Variants in GADL1 observed in about 807,000 individuals in gnomAD.
The protein encoded by GADL1 is acidic amino acid decarboxylase GADL1.
In GADL1, 71 loss-of-function variants were observed where a neutral mutation model predicts 69.5. The observed-to-expected ratio is 1.02, with a 90% CI of 0.84 to 1.25. GADL1 has a LOEUF of 1.25. Ranked by LOEUF, GADL1 falls within the 50% of genes most tolerant of loss-of-function variation. GADL1 has a pLI of 0.00. For synonymous variants in GADL1, 254 were observed against 214.4 expected (o/e 1.18, Z -1.62); for missense variants, 737 against 631.8 (o/e 1.17, Z -1.79).
intron 14 of GADL1, among the ~76,000 whole-genome samples, chr3:30,761,747 T>TA (rs1277069196): frequency 2.0e-5 from 3 of 152,080 alleles, no homozygotes; most frequent in African/African-American, 4.8e-5. Context: ...GACCAGTAAG[T>TA]AAAAAATCTG....
At chr3:30,751,273 G>C (rs1356706487) in intron 14 of GADL1, among the ~76,000 whole-genome samples, 1 of 151,580 alleles carries the variant, frequency 6.6e-6, no homozygotes, top group Admixed American at 6.6e-5. Context: ...AAGGGCACGT[G>C]GGGGGTGTTG....
intron 9 of GADL1, among the ~76,000 whole-genome samples, chr3:30,837,720 AT>A (rs1697896155): frequency 6.6e-6 from 1 of 152,058 alleles, no homozygotes; most frequent in South Asian, 2.1e-4. Context: ...GATGTATTTG[AT>A]TTTCCCCCTT....
intron 8 of GADL1, among the ~76,000 whole-genome samples, chr3:30,842,198 G>A (rs1697977762): frequency 6.6e-6 from 1 of 151,974 alleles, no homozygotes; most frequent in Non-Finnish European, 1.5e-5. Flanking sequence ...TTTTAAAAGG[G>A]CAATGGGGAA....
chr3:30,755,837 C>G (rs1695956948), intron 14 of GADL1, among the ~76,000 whole-genome samples: 1 of 150,056 alleles, frequency 6.7e-6, no homozygotes, highest in Non-Finnish European at 1.5e-5. Context: ...TTTTTCCTAC[C>G]AAGAGGTCAT....
chr3:30,753,607 C>CTTG (rs71093929), intron 14 of GADL1, among the ~76,000 whole-genome samples: 75,937 of 151,798 alleles, frequency 0.5, 21,214 homozygotes, highest in African/African-American at 0.76. Flanking sequence ...TTAAAGATAA[C>CTTG]TTGTTTTCTT....
In GADL1 at chr3:30,887,127, T is replaced by C. The variant is rs372250205; in HGVS notation, c.37+7451A>G. 5.9e-5 allele frequency among the ~76,000 whole-genome samples: 9 copies of C among 152,310 alleles called. No homozygotes were observed. The East Asian group carries it at 1.7e-3, about 29-fold the overall frequency. Reference sequence around the variant, plus strand: ...AACTGGTAGAGCCTGGACTCCAACATGGTGTGTCACCTCACCTCATTATAG... The same window carrying C: ...AACTGGTAGAGCCTGGACTCCAACACGGTGTGTCACCTCACCTCATTATAG... On this transcript the variant is annotated intron_variant, in intron 1 of 14. Coordinates refer to ENST00000282538, the MANE Select transcript of GADL1 (RefSeq NM_207359.3).
Position 30,850,817 on chromosome 3 carries a change from A to G in GADL1, c.535+18T>C. ...TGGTTGTATTGGAAGGTTGATATCA[A>G]TAACTAATTGTACTCACCTGGGTTA... On this transcript the variant is annotated intron_variant, in intron 5 of 14. Transcript: ENST00000282538. 1 of 1,407,056 alleles carries G rather than the reference A, an allele frequency of 7.1e-7. No homozygotes were observed. The highest frequency in any genetic ancestry group is 9.8e-7 in the Non-Finnish European group (1 of 1,016,076). The allele number at this position is 1,407,056 out of a possible 1,614,324, so 87.2% of individuals were successfully genotyped here.
chr3:30,849,843 G>A (rs773859253), intron 6 of GADL1, among the ~76,000 whole-genome samples, 153 bp downstream of exon 6: 8 of 152,004 alleles, frequency 5.3e-5, no homozygotes, highest in Non-Finnish European at 8.8e-5. Flanking sequence ...CATCAAACTC[G>A]TTAGAATTTA....
At chr3:30,740,921 AAAAC>A (rs1272843081) in intron 14 of GADL1, among the ~76,000 whole-genome samples, 1 of 140,834 alleles carries the variant, frequency 7.1e-6, no homozygotes, top group Non-Finnish European at 1.5e-5. Flanking sequence ...TAATATATAA[AAAAC>A]AAATATATTA....
At chr3:30,742,903 G>A (rs1261287764) in intron 14 of GADL1, among the ~76,000 whole-genome samples, 1 of 151,970 alleles carries the variant, frequency 6.6e-6, no homozygotes, top group East Asian at 1.9e-4. Flanking sequence ...GAGATAGGAA[G>A]AAAATGGTGA....
chr3:30,774,113 A>G (rs929131077), intron 14 of GADL1, among the ~76,000 whole-genome samples: 2 of 152,194 alleles, frequency 1.3e-5, no homozygotes, highest in Admixed American at 1.3e-4. Context: ...AGGAAATGGT[A>G]CAACATTCCT....
chr3:30,770,053 T>G (rs1470215551), intron 14 of GADL1, among the ~76,000 whole-genome samples: 1 of 152,234 alleles, frequency 6.6e-6, no homozygotes, highest in Non-Finnish European at 1.5e-5. Context: ...CCGGCAACCC[T>G]GGCCTGCATT....
chr3:30,771,778 C>G (rs1696425010), intron 14 of GADL1, among the ~76,000 whole-genome samples: 1 of 152,120 alleles, frequency 6.6e-6, no homozygotes, highest in Admixed American at 6.5e-5. Flanking sequence ...AATCAGAGTT[C>G]TGAAAAATAC....
At chr3:30,872,758 T>C (rs1698510445) in intron 1 of GADL1, among the ~76,000 whole-genome samples, 1 of 151,914 alleles carries the variant, frequency 6.6e-6, no homozygotes, top group Admixed American at 6.6e-5. Flanking sequence ...TAAGATACTC[T>C]CAATAAACTC....
chr3:30,800,822 C>G (rs1385195899), intron 12 of GADL1, 67 bp downstream of exon 12: 2 of 966,482 alleles, frequency 2.1e-6, no homozygotes, highest in East Asian at 6.1e-5. Context: ...CACACACACA[C>G]ACACACACAC....
intron 14 of GADL1, among the ~76,000 whole-genome samples, chr3:30,764,012 CCTCAAATCTCTAAA>C: frequency 6.6e-6 from 1 of 152,084 alleles, no homozygotes; most frequent in African/African-American, 2.4e-5. Context: ...ACTAAACAAA[CCTCAAATCTCTAAA>C]TGAGGATACA....
intron 14 of GADL1, among the ~76,000 whole-genome samples, chr3:30,774,929 A>T (rs1696498579): frequency 6.6e-6 from 1 of 152,162 alleles, no homozygotes; most frequent in Non-Finnish European, 1.5e-5. Flanking sequence ...TAAAGAAAAT[A>T]AACTGGAAAA....
At chr3:30,756,768 A>G (rs2125482176) in intron 14 of GADL1, among the ~76,000 whole-genome samples, 1 of 152,250 alleles carries the variant, frequency 6.6e-6, no homozygotes. Context: ...CACAGCCAAG[A>G]TCCAGCAGAG....
chr3:30,788,687 T>C (rs1696851649), intron 12 of GADL1, among the ~76,000 whole-genome samples: 1 of 152,240 alleles, frequency 6.6e-6, no homozygotes, highest in African/African-American at 2.4e-5. Flanking sequence ...CTTTCAAACC[T>C]TGCTGCTGCT....
Sources: allele counts gnomAD v4.1 joint callset (sites outside exome capture counted in the v4.1 genomes callset), GRCh38; gene constraint gnomAD v4.1.1; transcripts MANE v1.5; gene names NCBI Gene and HGNC (gene_info 2026-07-23, HGNC 2026-07-21).